LPA: variants seen among roughly 807,000 people sequenced by gnomAD.
The protein encoded by LPA is lipoprotein(a).
LPA carries 199 observed loss-of-function variants against 197.9 expected under a neutral mutation model. That is an observed-to-expected ratio of 1.01 (90% CI 0.90 to 1.13). The LOEUF is 1.13. LPA is among the 50% of genes most tolerant of loss of function. The pLI is 0.00. For synonymous variants in LPA, 715 were observed against 639.5 expected (o/e 1.12, Z -1.78); for missense variants, 1,853 against 1,785.8 (o/e 1.04, Z -0.68).
chr6:160,606,710 G>T (rs745386938), intron 16 of LPA, 52 bp from the exon 17 acceptor site: 2 of 1,597,748 alleles, frequency 1.3e-6, no homozygotes, highest in Non-Finnish European at 8.6e-7. Context: ...ATATGCAGGG[G>T]CACCCCACAC....
At chr6:160,577,534 G>A (rs545807921) in intron 27 of LPA, among the ~76,000 whole-genome samples, 1 of 152,258 alleles carries the variant, frequency 6.6e-6, no homozygotes, top group African/African-American at 2.4e-5. Flanking sequence ...GCTGGACATT[G>A]GAAATTACAT....
intron 28 of LPA, among the ~76,000 whole-genome samples, chr6:160,575,196 T>C (rs1287537396): frequency 6.6e-6 from 1 of 152,218 alleles, no homozygotes; most frequent in Non-Finnish European, 1.5e-5. Flanking sequence ...TGAGCTTTTT[T>C]TTCTTCATAT....
chr6:160,584,571 A>G (rs1470415217), intron 26 of LPA, among the ~76,000 whole-genome samples: 1 of 151,946 alleles, frequency 6.6e-6, no homozygotes, highest in East Asian at 1.9e-4. Flanking sequence ...ACCTCTGGTG[A>G]TCTGCCCGTC....
intron 17 of LPA, among the ~76,000 whole-genome samples, chr6:160,605,854 G>C (rs538770260): frequency 6.6e-6 from 1 of 152,202 alleles, no homozygotes; most frequent in East Asian, 1.9e-4. Flanking sequence ...AGAAGTCTCC[G>C]ACTCTTTCTA....
chr6:160,575,980 T>A (rs1461151904), intron 28 of LPA, among the ~76,000 whole-genome samples: 1 of 152,132 alleles, frequency 6.6e-6, no homozygotes. Context: ...ACTGCTGTGG[T>A]CTTCTTGGGC....
At chr6:160,649,448 C>T (rs1216593745) in intron 2 of LPA, among the ~76,000 whole-genome samples, 1 of 152,202 alleles carries the variant, frequency 6.6e-6, no homozygotes, top group African/African-American at 2.4e-5. Flanking sequence ...AATCTGTTCT[C>T]ATTGTTAGCA....
At chr6:160,594,414 G>A (rs1779091053) in intron 21 of LPA, among the ~76,000 whole-genome samples, 1 of 152,206 alleles carries the variant, frequency 6.6e-6, no homozygotes, top group East Asian at 1.9e-4. Context: ...TCTTCTGGGT[G>A]TTCCTGAGAA....
chr6:160,607,563 G>A (rs1779385313), intron 16 of LPA, among the ~76,000 whole-genome samples: 1 of 152,106 alleles, frequency 6.6e-6, no homozygotes, highest in Admixed American at 6.5e-5. Context: ...TGGGCTGCGG[G>A]GATCTTGAAG....
At chr6:160,571,677 G>A (rs1778564282) in intron 28 of LPA, among the ~76,000 whole-genome samples, 1 of 152,188 alleles carries the variant, frequency 6.6e-6, no homozygotes, top group Admixed American at 6.5e-5. Context: ...TACACTGTGA[G>A]GGGAAAACCT....
chr6:160,597,015 C>A (rs1464423154), intron 20 of LPA, among the ~76,000 whole-genome samples: 3 of 152,170 alleles, frequency 2.0e-5, no homozygotes, highest in Non-Finnish European at 4.4e-5. Context: ...TCATATCTCA[C>A]TTTATTCTGG....
intron 28 of LPA, among the ~76,000 whole-genome samples, chr6:160,563,934 C>A (rs964923386): frequency 6.6e-6 from 1 of 151,730 alleles, no homozygotes; most frequent in African/African-American, 2.4e-5. Context: ...TCCTTCATTT[C>A]TTTATTTTGA....
At chr6:160,607,420 G>C (rs191774295) in intron 16 of LPA, among the ~76,000 whole-genome samples, 14 of 152,204 alleles carry the variant, frequency 9.2e-5, no homozygotes, top group Non-Finnish European at 1.8e-4. Context: ...TCTGCACTGA[G>C]GGAAAGGGGG....
intron 1 of LPA, among the ~76,000 whole-genome samples, chr6:160,662,524 T>G (rs1203476491): frequency 6.6e-6 from 1 of 152,208 alleles, no homozygotes; most frequent in African/African-American, 2.4e-5. Context: ...CCAGGTCGAT[T>G]AAAACATATG....
chr6:160,610,571 C>T (rs1180717485), intron 16 of LPA, among the ~76,000 whole-genome samples: 1 of 152,124 alleles, frequency 6.6e-6, no homozygotes. Flanking sequence ...TCTGTAGAAC[C>T]ATTTTCTGTG....
chr6:160,655,719 T>A (rs1271556688), intron 1 of LPA, among the ~76,000 whole-genome samples: 1 of 152,232 alleles, frequency 6.6e-6, no homozygotes, highest in Non-Finnish European at 1.5e-5. Context: ...TTATTTCCCA[T>A]CCTCTGGCAT....
At chr6:160,561,338 G>C (rs759250850) in intron 28 of LPA, among the ~76,000 whole-genome samples, 3 of 152,142 alleles carry the variant, frequency 2.0e-5, no homozygotes, top group Non-Finnish European at 2.9e-5. Flanking sequence ...TTTCCCCATT[G>C]CTTATTTTTG....
Position 160,532,575 on chromosome 6 carries a change from A to G in LPA, c.5917T>C (p.Tyr1973His), listed in dbSNP as rs1290921000. Residue 1973 changes from tyrosine to histidine, a missense_variant, in exon 38 of 39, where the codon TAT (tyrosine) becomes CAT (histidine). Tyr to His is a moderately conservative substitution (Grantham distance 83). Transcript: ENST00000316300. ...CTGGCCAAATGCTCAGCACAAATAT[A>G]CTTATAGTGATTGCACACTTCATTC... Reference protein sequence around the residue: ...IENEVCNHYKYICAEHLARGT... With the variant: ...IENEVCNHYKHICAEHLARGT... 1.2e-6 allele frequency: 2 copies of G among 1,613,078 alleles called. No homozygotes were observed. The highest frequency in any genetic ancestry group is 1.3e-5 in the African/African-American group (1 of 74,802).
At chr6:160,565,133 G>T (rs1040863985) in intron 28 of LPA, among the ~76,000 whole-genome samples, 2 of 152,230 alleles carry the variant, frequency 1.3e-5, no homozygotes, top group Admixed American at 6.5e-5. Flanking sequence ...AGAAACTTCT[G>T]CAGACTTAAA....
intron 28 of LPA, among the ~76,000 whole-genome samples, chr6:160,571,741 T>G (rs1778565731): frequency 6.6e-6 from 1 of 152,206 alleles, no homozygotes; most frequent in South Asian, 2.1e-4. Context: ...AGCTTGAGCG[T>G]CCCAGGTCAA....
Sources: allele counts gnomAD v4.1 joint callset (sites outside exome capture counted in the v4.1 genomes callset), GRCh38; gene constraint gnomAD v4.1.1; transcripts MANE v1.5; gene names NCBI Gene and HGNC (gene_info 2026-07-23, HGNC 2026-07-21).